KCNMB4: variants seen among roughly 807,000 people sequenced by gnomAD.
KCNMB4 encodes the protein calcium-activated potassium channel subunit beta-4.
Under a neutral mutation model 20.7 loss-of-function variants are expected in KCNMB4, and 3 were observed. The observed-to-expected ratio is 0.14, with a 90% CI of 0.07 to 0.37. The LOEUF is 0.37. Ranked by LOEUF, KCNMB4 falls within the 10% of genes least tolerant of loss-of-function variation. The pLI is 1.00. For missense variants in KCNMB4, 168 were observed against 265.9 expected (o/e 0.63, Z 2.56); for synonymous variants, 110 against 113.4 (o/e 0.97, Z 0.19).
At chr12:70,372,993 G>A (rs1883625074) in intron 1 of KCNMB4, among the ~76,000 whole-genome samples, 1 of 152,214 alleles carries the variant, frequency 6.6e-6, no homozygotes, top group African/African-American at 2.4e-5. Flanking sequence ...TATGAGCTGT[G>A]TGAGTGTGGG....
Position 70,432,030 on chromosome 12 carries a change from CT to C in KCNMB4, c.*1395del, listed in dbSNP as rs376288820. 92 of 127,952 alleles carry C rather than the reference CT, an allele frequency of 7.2e-4. No homozygotes were observed. Among genetic ancestry groups the C allele is most frequent in the Middle Eastern group, 4.3e-3 (1 of 230 alleles). The allele number at this position is 127,952 out of a possible 1,614,324, so 7.9% of individuals were successfully genotyped here. On this transcript the variant is annotated 3_prime_UTR_variant, in exon 3 of 3. Coordinates refer to ENST00000258111, the MANE Select transcript of KCNMB4 (RefSeq NM_014505.6). Reference sequence around the variant, plus strand: ...TCCACATACCAATGTTTTCTTTTTTCTTTTTTTTTTTTTTTTTTGAGATGGT... The same window carrying C: ...TCCACATACCAATGTTTTCTTTTTTCTTTTTTTTTTTTTTTTTGAGATGGT...
rs563680674 is a variant in KCNMB4, at chr12:70,420,946, G to A, written c.465-9539G>A. On this transcript the variant is annotated intron_variant, in intron 2 of 2. Transcript: ENST00000258111. The stretch of plus-strand genomic sequence containing the variant: ...GGTGGCAGGCACCTGTAGTCCCAGC[G>A]GGAGGCTGAGGCAGGAGAATGGTGT... 2.3e-4 allele frequency among the ~76,000 whole-genome samples: 30 copies of A among 132,992 alleles called. 1 individual carries two copies. The highest frequency in any genetic ancestry group is 1.6e-3 in the Admixed American group (21 of 13,320). The allele number at this position is 132,992 out of a possible 152,430, so 87.2% of individuals were successfully genotyped here. A position where few individuals can be genotyped will look rare whatever the true frequency, so the allele number is the denominator to read the frequency against.
At chr12:70,395,620 T>C (rs17108097) in intron 1 of KCNMB4, among the ~76,000 whole-genome samples, 8,452 of 152,324 alleles carry the variant, frequency 0.055, 392 homozygotes, top group East Asian at 0.15. Flanking sequence ...TGTGTGATGA[T>C]ACTGTCTTTT....
intron 1 of KCNMB4, among the ~76,000 whole-genome samples, chr12:70,392,880 T>C (rs974160412): frequency 2.6e-5 from 4 of 152,034 alleles, no homozygotes; most frequent in African/African-American, 9.7e-5. Context: ...ATACCTACTA[T>C]AGATGAGGGG....
At chr12:70,409,495 G>A (rs185664696) in intron 2 of KCNMB4, among the ~76,000 whole-genome samples, 2 of 152,150 alleles carry the variant, frequency 1.3e-5, no homozygotes. Flanking sequence ...ATTGAATTAT[G>A]TGCCAGTCAA....
chr12:70,393,136 G>A (rs1868314963), intron 1 of KCNMB4, among the ~76,000 whole-genome samples: 1 of 152,042 alleles, frequency 6.6e-6, no homozygotes, highest in South Asian at 2.1e-4. Flanking sequence ...TTGTTTTGGT[G>A]TGATTGCTTC....
intron 1 of KCNMB4, among the ~76,000 whole-genome samples, chr12:70,389,646 A>G (rs923078807): frequency 5.3e-5 from 8 of 152,198 alleles, no homozygotes; most frequent in Admixed American, 4.6e-4. Flanking sequence ...GTGAGCCAAG[A>G]TCACACCACT....
At position 70,420,785 on chromosome 12, in the gene KCNMB4, G is replaced by T. The variant is rs137966263; in HGVS notation, c.465-9700G>T. On this transcript the variant is annotated intron_variant, in intron 2 of 2. Coordinates refer to ENST00000258111, the MANE Select transcript of KCNMB4 (RefSeq NM_014505.6). ...TTGAAAATACTACAGATTGCCAGGC[G>T]CAGTGGCTCACACCTGTAATCCCAG... Among the ~76,000 whole-genome samples, 8 of 152,234 alleles carry T rather than the reference G, an allele frequency of 5.3e-5. No homozygotes were observed. The South Asian group carries it at 1.5e-3, about 28-fold the overall frequency.
At chr12:70,397,107 C>T (rs1593334257) in intron 1 of KCNMB4, among the ~76,000 whole-genome samples, 2 of 152,120 alleles carry the variant, frequency 1.3e-5, no homozygotes, top group East Asian at 3.9e-4. Flanking sequence ...CCTGTAACCC[C>T]AGCACTCTTA....
chr12:70,428,505 A>G (rs1038252233), intron 2 of KCNMB4, among the ~76,000 whole-genome samples: 1 of 152,182 alleles, frequency 6.6e-6, no homozygotes, highest in African/African-American at 2.4e-5. Context: ...TTTGACAGCT[A>G]TGAGCACTGT....
intron 1 of KCNMB4, among the ~76,000 whole-genome samples, chr12:70,388,047 A>G (rs928022217): frequency 6.6e-6 from 1 of 152,128 alleles, no homozygotes; most frequent in Non-Finnish European, 1.5e-5. Context: ...TTTGATTTTT[A>G]GATCTCTCAA....
intron 1 of KCNMB4, among the ~76,000 whole-genome samples, chr12:70,368,849 A>G (rs1268892291): frequency 6.6e-6 from 1 of 152,164 alleles, no homozygotes; most frequent in Admixed American, 6.5e-5. Flanking sequence ...CTGCTTCACA[A>G]TTTTCAGGCA....
At chr12:70,413,258 A>G (rs1868830821) in intron 2 of KCNMB4, among the ~76,000 whole-genome samples, 3 of 152,220 alleles carry the variant, frequency 2.0e-5, no homozygotes, top group Admixed American at 6.5e-5. Flanking sequence ...AAGTGTTTTC[A>G]TGCTTGCAAA....
chr12:70,375,761 G>A (rs746419566), intron 1 of KCNMB4, among the ~76,000 whole-genome samples: 143 of 152,204 alleles, frequency 9.4e-4, no homozygotes, highest in Non-Finnish European at 1.6e-3. Flanking sequence ...GGTCCTATAC[G>A]TATTAGCTCT....
intron 1 of KCNMB4, among the ~76,000 whole-genome samples, chr12:70,377,049 A>G (rs901466653): frequency 2.6e-5 from 4 of 152,186 alleles, no homozygotes; most frequent in Non-Finnish European, 5.9e-5. Flanking sequence ...GTTCCTGGAT[A>G]GGAAGACCCA....
chr12:70,418,280 G>A (rs76094183), intron 2 of KCNMB4, among the ~76,000 whole-genome samples: 24 of 152,236 alleles, frequency 1.6e-4, no homozygotes, highest in Non-Finnish European at 2.4e-4. Context: ...TCACACCCAC[G>A]TTGCAAGTGT....
At chr12:70,426,822 CATT>C (rs1869227148) in intron 2 of KCNMB4, among the ~76,000 whole-genome samples, 1 of 152,166 alleles carries the variant, frequency 6.6e-6, no homozygotes, top group Admixed American at 6.5e-5. Context: ...TGCTGACTGT[CATT>C]ATTATCACCA....
chr12:70,378,863 C>T (rs1342597788), intron 1 of KCNMB4, among the ~76,000 whole-genome samples: 1 of 152,096 alleles, frequency 6.6e-6, no homozygotes, highest in Non-Finnish European at 1.5e-5. Flanking sequence ...AATAATAAGA[C>T]ATGAAAGTCG....
intron 2 of KCNMB4, among the ~76,000 whole-genome samples, chr12:70,419,324 G>C (rs1432440607): frequency 6.6e-6 from 1 of 152,142 alleles, no homozygotes; most frequent in African/African-American, 2.4e-5. Context: ...CCCGTTTCTG[G>C]ATGAAATCTG....
Sources: allele counts gnomAD v4.1 joint callset (sites outside exome capture counted in the v4.1 genomes callset), GRCh38; gene constraint gnomAD v4.1.1; transcripts MANE v1.5; gene names NCBI Gene and HGNC (gene_info 2026-07-23, HGNC 2026-07-21).